The following RAP1A variants were observed in gnomAD, a reference collection of about 807,000 sequenced individuals.
The protein encoded by RAP1A is ras-related protein Rap-1A.
RAP1A carries 6 observed loss-of-function variants against 26.4 expected under a neutral mutation model. That is an observed-to-expected ratio of 0.23 (90% CI 0.12 to 0.45). The LOEUF is 0.45. RAP1A is among the 20% of genes least tolerant of loss of function. The pLI, the probability that RAP1A is intolerant of heterozygous loss-of-function variation, is 0.99. For missense variants in RAP1A, 121 were observed against 217.2 expected (o/e 0.56, Z 2.78); for synonymous variants, 73 against 79.4 (o/e 0.92, Z 0.43).
intron 1 of RAP1A, among the ~76,000 whole-genome samples, chr1:111,659,040 A>G (rs1660551353): frequency 6.6e-6 from 1 of 152,198 alleles, no homozygotes; most frequent in South Asian, 2.1e-4. Flanking sequence ...TTTGTCTCAG[A>G]ATAATATAGC....
chr1:111,701,957 C>T (rs1200002231), intron 4 of RAP1A, among the ~76,000 whole-genome samples: 2 of 152,152 alleles, frequency 1.3e-5, no homozygotes, highest in Admixed American at 6.5e-5. Context: ...CCAGAAAATA[C>T]ACTGGCAGCA....
At chr1:111,602,652 T>C (rs1377447901) in intron 1 of RAP1A, among the ~76,000 whole-genome samples, 1 of 152,222 alleles carries the variant, frequency 6.6e-6, no homozygotes, top group African/African-American at 2.4e-5. Context: ...GTGAACATTG[T>C]TCATCCTTCT....
At chr1:111,595,224 C>G (rs1463399987) in intron 1 of RAP1A, among the ~76,000 whole-genome samples, 2 of 152,122 alleles carry the variant, frequency 1.3e-5, no homozygotes, top group Non-Finnish European at 2.9e-5. Context: ...ATCAGCCCCA[C>G]TACTTAGCCA....
At chr1:111,610,214 T>C (rs887913407) in intron 1 of RAP1A, among the ~76,000 whole-genome samples, 2 of 152,194 alleles carry the variant, frequency 1.3e-5, no homozygotes, top group African/African-American at 4.8e-5. Context: ...TGAGTTTACA[T>C]ATTCTTGTGA....
chr1:111,669,742 G>A (rs188937284), intron 1 of RAP1A, among the ~76,000 whole-genome samples: 1 of 152,198 alleles, frequency 6.6e-6, no homozygotes. Context: ...AGTAGATACA[G>A]TATTTAAGGA....
At chr1:111,690,900 T>C (rs1661645589) in intron 1 of RAP1A, among the ~76,000 whole-genome samples, 1 of 152,206 alleles carries the variant, frequency 6.6e-6, no homozygotes. Flanking sequence ...AACAAAATAG[T>C]ATAGAATTAC....
chr1:111,584,083 T>C (rs1395128006), intron 1 of RAP1A, among the ~76,000 whole-genome samples: 2 of 152,014 alleles, frequency 1.3e-5, no homozygotes, highest in East Asian at 3.9e-4. Context: ...GGTTTCACCA[T>C]GTTGGCCAGG....
At chr1:111,584,614 G>T (rs1006243542) in intron 1 of RAP1A, among the ~76,000 whole-genome samples, 1 of 152,076 alleles carries the variant, frequency 6.6e-6, no homozygotes, top group African/African-American at 2.4e-5. Context: ...ATATGCATGT[G>T]GGGGGACACT....
At chr1:111,664,397 A>C (rs1409207388) in intron 1 of RAP1A, among the ~76,000 whole-genome samples, 91 of 143,388 alleles carry the variant, frequency 6.3e-4, no homozygotes, top group African/African-American at 2.3e-3. Flanking sequence ...AAAAAAAAAA[A>C]ACAAAAAACA....
intron 1 of RAP1A, chr1:111,608,032 TG>T: frequency 7.1e-6 from 1 of 141,702 alleles, no homozygotes; most frequent in Admixed American, 7.0e-5. Context: ...GCGGCTGGCC[TG>T]GCGGGGGCTG....
intron 1 of RAP1A, among the ~76,000 whole-genome samples, chr1:111,689,327 T>C (rs932898213): frequency 1.3e-5 from 2 of 151,866 alleles, no homozygotes; most frequent in Admixed American, 6.6e-5. Flanking sequence ...TTCTTCCCTC[T>C]CTCCTGTCTC....
intron 1 of RAP1A, among the ~76,000 whole-genome samples, chr1:111,601,342 A>G (rs903388908): frequency 3.3e-5 from 5 of 152,064 alleles, no homozygotes; most frequent in Non-Finnish European, 7.4e-5. Flanking sequence ...GAGAAAGGAG[A>G]TCCTTGTCTA....
chr1:111,668,239 T>C (rs1159172506), intron 1 of RAP1A, among the ~76,000 whole-genome samples: 1 of 152,136 alleles, frequency 6.6e-6, no homozygotes, highest in Non-Finnish European at 1.5e-5. Context: ...CAGAAGCAAA[T>C]GCACATCACA....
At chr1:111,699,267 A>C (rs1051851140) in intron 4 of RAP1A, among the ~76,000 whole-genome samples, 2 of 152,154 alleles carry the variant, frequency 1.3e-5, no homozygotes, top group African/African-American at 4.8e-5. Flanking sequence ...TAGAATCTAT[A>C]TGGATATTAT....
intron 1 of RAP1A, among the ~76,000 whole-genome samples, chr1:111,559,483 A>C (rs1657644572): frequency 6.6e-6 from 1 of 152,274 alleles, no homozygotes; most frequent in Admixed American, 6.5e-5. Flanking sequence ...GTTGCAGTCC[A>C]ATTTTTCCAG....
chr1:111,689,505 A>G (rs911800372), intron 1 of RAP1A, among the ~76,000 whole-genome samples: 3 of 144,794 alleles, frequency 2.1e-5, no homozygotes, highest in African/African-American at 7.8e-5. Flanking sequence ...CTGTTTTTGA[A>G]TACTGTAAGT....
intron 1 of RAP1A, among the ~76,000 whole-genome samples, chr1:111,641,662 C>T (rs1218606914): frequency 6.6e-6 from 1 of 152,068 alleles, no homozygotes; most frequent in Non-Finnish European, 1.5e-5. Flanking sequence ...CGCGCATGCA[C>T]ATAGGTCTTT....
intron 1 of RAP1A, among the ~76,000 whole-genome samples, chr1:111,609,321 G>A (rs1245167656): frequency 7.9e-5 from 12 of 152,132 alleles, no homozygotes. Context: ...TCAGGTCCCT[G>A]GCACACCTGA....
chr1:111,557,726 A>G (rs1207233542), intron 1 of RAP1A, among the ~76,000 whole-genome samples: 1 of 152,212 alleles, frequency 6.6e-6, no homozygotes, highest in East Asian at 1.9e-4. Flanking sequence ...CCTGACAAAT[A>G]TATAGACATA....
Sources: gnomAD v4.1 joint callset for allele counts (sites outside exome capture counted in the v4.1 genomes callset) on GRCh38, gnomAD v4.1.1 for gene constraint, MANE v1.5 for transcripts, NCBI Gene and HGNC (gene_info 2026-07-23, HGNC 2026-07-21) for gene names.